F8: variants seen among roughly 807,000 people sequenced by gnomAD.
The protein encoded by F8 is antihemophilic factor.
Under a neutral mutation model 140.6 loss-of-function variants are expected in F8, and 12 were observed. The observed-to-expected ratio is 0.09, with a 90% CI of 0.05 to 0.14. The LOEUF is 0.14. Ranked by LOEUF, F8 falls within the 10% of genes least tolerant of loss-of-function variation. F8 has a pLI of 1.00. For synonymous variants in F8, 585 were observed against 614.6 expected (o/e 0.95, Z 0.71); for missense variants, 1,354 against 1,720.7 (o/e 0.79, Z 3.77).
chrX:154,941,692 C>T (rs782013385), intron 13 of F8, among the ~76,000 whole-genome samples: 20 of 107,334 alleles, frequency 1.9e-4, no homozygotes, highest in African/African-American at 6.6e-4. Flanking sequence ...GAACTCTCCA[C>T]CCCAAATCAA....
intron 13 of F8, among the ~76,000 whole-genome samples, chrX:154,939,213 G>A (rs1603434057): frequency 8.9e-6 from 1 of 112,015 alleles, no homozygotes; most frequent in Admixed American, 9.4e-5. Context: ...GAAGCAGGGC[G>A]AGGCATCGCC....
Position 154,896,235 on chromosome X carries a change from A to G in F8, c.6274-3T>C. 8.3e-7 allele frequency: 1 copy of G among 1,208,749 alleles called. No individual in the cohort carries two copies. The highest frequency in any genetic ancestry group is 1.1e-6 in the Non-Finnish European group (1 of 893,348). ...ATCATTGGTGCCAACAGATCCACCTACCAATTAAAATAACACTTTATTTTA... is the reference window on the plus strand; with the variant it reads ...ATCATTGGTGCCAACAGATCCACCTGCCAATTAAAATAACACTTTATTTTA... On this transcript the variant is annotated splice_polypyrimidine_tract_variant and splice_region_variant and intron_variant, in intron 21 of 25. Coordinates refer to ENST00000360256, the MANE Select transcript of F8 (RefSeq NM_000132.4).
intron 24 of F8, among the ~76,000 whole-genome samples, chrX:154,860,823 C>T (rs1187486784): frequency 9.0e-6 from 1 of 111,077 alleles, no homozygotes; most frequent in Non-Finnish European, 1.9e-5. Flanking sequence ...CTCAGCTTCC[C>T]GAGTAGCTGT....
chrX:154,946,183 A>G (rs1557280279), intron 13 of F8, among the ~76,000 whole-genome samples: 2 of 112,240 alleles, frequency 1.8e-5, no homozygotes, highest in African/African-American at 6.5e-5. Flanking sequence ...TGTAATACCT[A>G]TCCAAATGCC....
chrX:154,938,886 T>A (rs2073238924), intron 13 of F8, among the ~76,000 whole-genome samples: 1 of 108,130 alleles, frequency 9.2e-6, no homozygotes, highest in African/African-American at 3.4e-5. Context: ...AAGGTGTAAA[T>A]ATATATATAT....
chrX:154,990,617 T>G (rs1252156783), intron 4 of F8, among the ~76,000 whole-genome samples: 2 of 112,239 alleles, frequency 1.8e-5, no homozygotes, highest in Admixed American at 1.9e-4. Context: ...GAAAGTATGA[T>G]TTCTCATATA....
In F8 at chrX:155,016,401, C is replaced by G. The variant is rs184612762; in HGVS notation, c.143+6009G>C. Among the ~76,000 whole-genome samples, 121 of 111,771 alleles carry G rather than the reference C, an allele frequency of 1.1e-3. 1 individual carries two copies. Among genetic ancestry groups the G allele is most frequent in the Admixed American group, 4.2e-3 (44 of 10,503 alleles). ...GCAGTTTCTCTTAAACATGCACTTA[C>G]CATATGATCCAGCAATTCCACTCCT... On this transcript the variant is annotated intron_variant, in intron 1 of 25. Coordinates refer to ENST00000360256, the MANE Select transcript of F8 (RefSeq NM_000132.4).
chrX:154,912,064 G>T (rs2073071515), intron 14 of F8, among the ~76,000 whole-genome samples: 1 of 111,583 alleles, frequency 9.0e-6, no homozygotes, highest in East Asian at 2.8e-4. Flanking sequence ...TTTTGCCATT[G>T]ACTTGTTTGA....
chrX:154,915,923 T>A (rs1557277074), intron 14 of F8, among the ~76,000 whole-genome samples: 1 of 112,365 alleles, frequency 8.9e-6, no homozygotes, highest in Non-Finnish European at 1.9e-5. Context: ...TCCCATTTGG[T>A]GTAATGTTAG....
intron 14 of F8, chrX:154,919,740 G>A: frequency 3.1e-6 from 1 of 324,571 alleles, no homozygotes; most frequent in Non-Finnish European, 5.5e-6. Context: ...GAAGCACTCG[G>A]CCCATGGCCT....
intron 14 of F8, among the ~76,000 whole-genome samples, chrX:154,925,407 G>A (rs1181868219): frequency 4.5e-5 from 5 of 111,928 alleles, no homozygotes; most frequent in South Asian, 3.7e-4. Flanking sequence ...GAGGGCCACC[G>A]TCCTCCAGAC....
At chrX:154,997,223 TTTGC>T in intron 2 of F8, 128 bp from the exon 3 acceptor site, 1 of 825,002 alleles carries the variant, frequency 1.2e-6, no homozygotes. Context: ...AAAAGTAGTA[TTTGC>T]TTGCTGCCAA....
At chrX:154,956,507 T>G (rs2073365881) in intron 11 of F8, among the ~76,000 whole-genome samples, 1 of 112,090 alleles carries the variant, frequency 8.9e-6, no homozygotes, top group South Asian at 3.7e-4. Flanking sequence ...CACGAAATCT[T>G]CACAATTTAT....
chrX:154,913,377 C>A (rs1472064672), intron 14 of F8, among the ~76,000 whole-genome samples: 13 of 111,294 alleles, frequency 1.2e-4, no homozygotes, highest in African/African-American at 3.9e-4. Flanking sequence ...TGGCCCCTCC[C>A]AAATCTCATG....
In F8 at chrX:154,898,706, C is replaced by T. The variant is rs782483630; in HGVS notation, c.6273+1160G>A. ...GCACATACTAAGGAAGTCTTGTCTA[C>T]TTCAATATTTTGATCATGACTTTGC... On this transcript the variant is annotated intron_variant, in intron 21 of 25. Transcript: ENST00000360256. Among the ~76,000 whole-genome samples the T allele has an allele frequency of 8.0e-5, 9 of 112,407 alleles. No individual in the cohort carries two copies. The East Asian group carries it at 2.2e-3, about 28-fold the overall frequency.
At chrX:155,020,326 A>T (rs1009558250) in intron 1 of F8, among the ~76,000 whole-genome samples, 31 of 112,387 alleles carry the variant, frequency 2.8e-4, no homozygotes, top group African/African-American at 9.4e-4. Context: ...TGGAAATAAA[A>T]CTAGACAAAT....
chrX:154,902,367 C>A (rs145776853), intron 18 of F8, among the ~76,000 whole-genome samples, 200 bp from the exon 19 acceptor site: 2 of 111,348 alleles, frequency 1.8e-5, no homozygotes, highest in Non-Finnish European at 3.8e-5. Flanking sequence ...CACTCCCCTC[C>A]CCCCAGGAGA....
At chrX:154,897,000 C>A (rs1427097188) in intron 21 of F8, among the ~76,000 whole-genome samples, 1 of 112,091 alleles carries the variant, frequency 8.9e-6, no homozygotes, top group Non-Finnish European at 1.9e-5. Context: ...AGAGTTAATA[C>A]ATGTAATGTG....
chrX:154,903,725 C>T (rs782089990), intron 18 of F8, among the ~76,000 whole-genome samples, 181 bp downstream of exon 18: 2 of 111,813 alleles, frequency 1.8e-5, no homozygotes, highest in African/African-American at 3.3e-5. Flanking sequence ...TTTTCTATAT[C>T]TGAAATTATC....
Sources: allele counts gnomAD v4.1 joint callset (sites outside exome capture counted in the v4.1 genomes callset), GRCh38; gene constraint gnomAD v4.1.1; transcripts MANE v1.5; gene names NCBI Gene and HGNC (gene_info 2026-07-23, HGNC 2026-07-21).